The following ABCC2 variants were observed in gnomAD, a reference collection of about 807,000 sequenced individuals.
The protein encoded by ABCC2 is ATP binding cassette subfamily C member 2.
In ABCC2, 157 loss-of-function variants were observed where a neutral mutation model predicts 173.4. The ratio of observed to expected loss-of-function variants is 0.91; its 90% CI spans 0.80 to 1.03. ABCC2 has a LOEUF of 1.03. ABCC2 is among the 50% of genes least tolerant of loss of function. The pLI is 0.00. For missense variants in ABCC2, 1,822 were observed against 1,852.3 expected, an observed-to-expected ratio of 0.98 and a Z score of 0.30; for synonymous variants, 657 against 693.5, an observed-to-expected ratio of 0.95 and a Z score of 0.83.
intron 26 of ABCC2, among the ~76,000 whole-genome samples, chr10:99,843,052 CAAAA>C (rs147966035): frequency 8.7e-6 from 1 of 114,908 alleles, no homozygotes. Flanking sequence ...GATTCCATCT[CAAAA>C]AAAAAAAAAA....
At chr10:99,842,116 T>C in intron 26 of ABCC2, 23 bp downstream of exon 26, 1 of 1,614,054 alleles carries the variant, frequency 6.2e-7, no homozygotes, top group Non-Finnish European at 8.5e-7. Flanking sequence ...GTTGGGAGTT[T>C]GGTTTCGTTA....
At chr10:99,794,587 C>A in intron 6 of ABCC2, 119 bp downstream of exon 6, 2 of 983,678 alleles carry the variant, frequency 2.0e-6, no homozygotes, top group South Asian at 1.5e-5. Flanking sequence ...TCTTGTTGCC[C>A]AGGCTGGAGT....
intron 24 of ABCC2, 91 bp from the exon 25 acceptor site, chr10:99,836,000 G>A: frequency 7.7e-7 from 1 of 1,295,212 alleles, no homozygotes; most frequent in Non-Finnish European, 1.1e-6. Flanking sequence ...GCCCATCAAG[G>A]GGAAGAATGC....
In ABCC2 at chr10:99,841,907, T is replaced by C. The variant is rs75004679; in HGVS notation, c.3615-60T>C. The C allele has an allele frequency of 6.2e-3, 9,959 of 1,613,166 alleles. 532 individuals are homozygous for C. The African/African-American group carries it at 0.11, about 18-fold the overall frequency. On this transcript the variant is annotated intron_variant, in intron 25 of 31. Transcript: ENST00000647814. ...GAGAATGTTCTGTGAACGCCAAGGT[T>C]GCTGGTTAAGATGAGGACGTGATCA...
intron 18 of ABCC2, 24 bp from the exon 19 acceptor site, chr10:99,819,065 C>T (rs768337743): frequency 2.5e-6 from 4 of 1,613,758 alleles, no homozygotes; most frequent in African/African-American, 2.7e-5. Context: ...TGGTAATCAA[C>T]ACAACTTCAT....
In ABCC2 at chr10:99,850,603, A is replaced by G. The variant is rs751467736; in HGVS notation, c.4315A>G (p.Ile1439Val). Reference protein sequence around the residue: ...EVTEAGGNLSIGQRQLLCLGR... With the variant: ...EVTEAGGNLSVGQRQLLCLGR... ...CATGGTTGCTTCTATTGGCTGCAGC[A>G]TAGGCCAGAGGCAGCTGCTGTGCCT... Residue 1439 changes from isoleucine to valine, a missense_variant and splice_region_variant, in exon 31 of 32, where the codon ATA (isoleucine) becomes GTA (valine). By Grantham distance (29) the Ile-to-Val change is conservative (BLOSUM62 3). Coordinates refer to ENST00000647814, the MANE Select transcript of ABCC2 (RefSeq NM_000392.5). 3 of 1,614,050 alleles carry G rather than the reference A, an allele frequency of 1.9e-6. No individual in the cohort carries two copies. Among genetic ancestry groups the G allele is most frequent in the East Asian group, 2.2e-5 (1 of 44,902 alleles).
intron 29 of ABCC2, among the ~76,000 whole-genome samples, 184 bp from the exon 30 acceptor site, chr10:99,846,777 C>T (rs2039023266): frequency 6.6e-6 from 1 of 152,156 alleles, no homozygotes; most frequent in Non-Finnish European, 1.5e-5. Context: ...CTGTGCCTAG[C>T]CCCTGGCTGG....
chr10:99,785,403 A>T (rs2037689748), intron 2 of ABCC2, among the ~76,000 whole-genome samples: 1 of 152,024 alleles, frequency 6.6e-6, no homozygotes, highest in African/African-American at 2.4e-5. Flanking sequence ...GCACCAACTC[A>T]CTCAGGGAAG....
chr10:99,797,065 G>C, intron 6 of ABCC2, 32 bp from the exon 7 acceptor site: 1 of 1,601,796 alleles, frequency 6.2e-7, no homozygotes, highest in South Asian at 1.1e-5. Flanking sequence ...CCCAGCCTGG[G>C]GGTCTCAGCC....
At position 99,830,409 on chromosome 10, in the gene ABCC2, G is replaced by A. The variant is rs574891402; in HGVS notation, c.2723G>A (p.Ser908Asn). Residue 908 changes from serine to asparagine, a missense_variant, in exon 20 of 32, where the codon AGC becomes AAC. Physicochemically the swap from Ser to Asn is conservative, Grantham distance 46. Transcript: ENST00000647814. ...TCCATAACCATGAGAAGAGAGAACA[G>A]CTTTCGTCGAACACTTAGCCGCAGG... ...AASITMRREN[S>N]FRRTLSRSSR... is the part of the protein sequence containing the mutation. 2.7e-5 allele frequency: 44 copies of A among 1,614,222 alleles called. No homozygotes were observed. The Admixed American group carries it at 4.8e-4, about 18-fold the overall frequency.
chr10:99,804,021 A>G lies in ABCC2; in HGVS notation c.1212A>G (p.Ala404=). The G allele has an allele frequency of 1.2e-6, 2 of 1,614,138 alleles. No individual in the cohort carries two copies. The highest frequency in any genetic ancestry group is 1.7e-6 in the Non-Finnish European group (2 of 1,180,006). Residue 404 remains alanine, a splice_region_variant and synonymous_variant, in exon 10 of 32, where the codon GCA becomes GCG. Transcript: ENST00000647814. ...CTAATTTCAATCCTTATCTTTAGGC[A>G]TTGACCCTATCCAACTTGGCCAGGA... ...TAIMASVYKK[A]LTLSNLARKE...
intron 16 of ABCC2, among the ~76,000 whole-genome samples, chr10:99,816,353 A>G (rs1222188523): frequency 1.4e-5 from 2 of 147,530 alleles, no homozygotes; most frequent in African/African-American, 5.1e-5. Flanking sequence ...GCCCAATCTC[A>G]GCTCACTGCA....
In ABCC2 at chr10:99,792,355, C is replaced by T; in HGVS notation, c.329C>T (p.Thr110Ile). Residue 110 changes from threonine to isoleucine, a missense_variant, in exon 3 of 32, where the codon ACA becomes ATA. By Grantham distance (89) the Thr-to-Ile change is moderately conservative (BLOSUM62 -1). Transcript: ENST00000647814. ...ACCAATCCAAGCCTCTACCTAGGCA[C>T]ATGGGTAAGACCTATACCACTTCTG... is the stretch of plus-strand genomic sequence containing the variant. The part of the protein sequence containing the change: ...RYTNPSLYLG[T>I]WLLVLLIQYS... 1 of 1,614,010 alleles carries T rather than the reference C, an allele frequency of 6.2e-7. No individual in the cohort carries two copies. Among genetic ancestry groups the T allele is most frequent in the South Asian group, 1.1e-5 (1 of 91,088 alleles).
At chr10:99,820,409 C>T (rs202226998) in intron 19 of ABCC2, among the ~76,000 whole-genome samples, 1 of 126,006 alleles carries the variant, frequency 7.9e-6, no homozygotes, top group Non-Finnish European at 1.7e-5. Context: ...CACACACACA[C>T]AAAACACAAC....
intron 4 of ABCC2, 102 bp downstream of exon 4, chr10:99,793,787 A>G (rs1046091949): frequency 1.5e-5 from 23 of 1,580,930 alleles, no homozygotes; most frequent in Non-Finnish European, 2.0e-5. Context: ...ATTGTATTAG[A>G]GGGATTTGAT....
chr10:99,792,292 A>G lies in ABCC2; in HGVS notation c.266A>G (p.Glu89Gly). 2 of 1,614,092 alleles carry G rather than the reference A, an allele frequency of 1.2e-6. No individual in the cohort carries two copies. The highest frequency in any genetic ancestry group is 1.7e-6 in the Non-Finnish European group (2 of 1,179,980). Reference sequence around the variant, plus strand: ...ATAGAGCTGGCCCTTGTACTCACAGAAGACTCTGGACAAGCCACAGTCCCT... The same window carrying G: ...ATAGAGCTGGCCCTTGTACTCACAGGAGACTCTGGACAAGCCACAGTCCCT... ...AAIELALVLTEDSGQATVPAV... is the reference protein window; with the variant it reads ...AAIELALVLTGDSGQATVPAV... Residue 89 changes from glutamate (E) to glycine (G), a missense_variant, in exon 3 of 32, where the codon GAA becomes GGA. Glu to Gly is a moderately conservative substitution (Grantham distance 98). Coordinates refer to ENST00000647814, the MANE Select transcript of ABCC2 (RefSeq NM_000392.5).
chr10:99,815,191 G>T (rs910448801), intron 16 of ABCC2, among the ~76,000 whole-genome samples: 1 of 152,058 alleles, frequency 6.6e-6, no homozygotes, highest in African/African-American at 2.4e-5. Context: ...GTGAGAACAA[G>T]CAGTGTTTGG....
At chr10:99,813,235 A>G in intron 16 of ABCC2, 91 bp downstream of exon 16, 1 of 1,497,168 alleles carries the variant, frequency 6.7e-7, no homozygotes, top group Non-Finnish European at 9.1e-7. Flanking sequence ...ACTGAGGGCT[A>G]GTAGGTGAGG....
At chr10:99,795,594 G>A (rs996969904) in intron 6 of ABCC2, among the ~76,000 whole-genome samples, 1 of 152,080 alleles carries the variant, frequency 6.6e-6, no homozygotes, top group Non-Finnish European at 1.5e-5. Context: ...AGCTCCTTGG[G>A]AGGCTGAGAC....
Sources: gnomAD v4.1 joint callset for allele counts (sites outside exome capture counted in the v4.1 genomes callset) on GRCh38, gnomAD v4.1.1 for gene constraint, MANE v1.5 for transcripts, NCBI Gene and HGNC (gene_info 2026-07-23, HGNC 2026-07-21) for gene names.